Variants in DARS1 observed in about 807,000 individuals in gnomAD.
DARS1 encodes the protein aspartate--tRNA ligase, cytoplasmic.
In DARS1, 51 loss-of-function variants were observed where a neutral mutation model predicts 68.8. That is an observed-to-expected ratio of 0.74 (90% CI 0.59 to 0.94). The LOEUF is 0.94. Among genes scored for constraint, DARS1 ranks in the 40% least tolerant of loss-of-function variants. The pLI is 0.00. For synonymous variants in DARS1, 203 were observed against 190.4 expected (o/e 1.07, Z -0.55); for missense variants, 607 against 597.3 (o/e 1.02, Z -0.17).
In DARS1 at chr2:135,961,489, C is replaced by G. The variant is rs552946383; in HGVS notation, c.227G>C (p.Cys76Ser). 2 of 1,436,334 alleles carry G rather than the reference C, an allele frequency of 1.4e-6. No individual in the cohort carries two copies. The highest frequency in any genetic ancestry group is 2.0e-6 in the Non-Finnish European group (2 of 1,017,376). 89.0% of individuals were successfully genotyped at this position (1,436,334 alleles called of 1,614,324 possible). A position where few individuals can be genotyped will look rare whatever the true frequency, so the allele number is the denominator to read the frequency against. ...VHTSRAKGKQ[C>S]FLVLRQQQFN... ...CTGCTGCTGACGTAGGACTAAGAAGCACTGTTTCCCTGAAAAAGACAGAAA... is the reference window on the plus strand; with the variant it reads ...CTGCTGCTGACGTAGGACTAAGAAGGACTGTTTCCCTGAAAAAGACAGAAA... Residue 76 changes from cysteine to serine, a missense_variant, in exon 4 of 16, where the codon TGC (cysteine) becomes TCC (serine). Cys to Ser is a moderately radical substitution (Grantham distance 112). Coordinates refer to ENST00000264161, the MANE Select transcript of DARS1 (RefSeq NM_001349.4).
At chr2:135,981,787 C>T (rs1458898068) in intron 2 of DARS1, among the ~76,000 whole-genome samples, 2 of 151,754 alleles carry the variant, frequency 1.3e-5, no homozygotes, top group Admixed American at 1.3e-4. Context: ...TCCCATCAGC[C>T]TCCTGAGTAG....
chr2:135,916,028 A>C (rs1164181221), intron 11 of DARS1, among the ~76,000 whole-genome samples, 198 bp downstream of exon 11: 1 of 152,186 alleles, frequency 6.6e-6, no homozygotes, highest in African/African-American at 2.4e-5. Flanking sequence ...TCAGGTGAAA[A>C]AAATCATTTA....
intron 1 of DARS1, 107 bp downstream of exon 1, chr2:135,985,296 G>A: frequency 6.8e-7 from 1 of 1,462,694 alleles, no homozygotes; most frequent in Non-Finnish European, 9.0e-7. Flanking sequence ...AGCCTGCGGA[G>A]AACGTGCCGA....
intron 12 of DARS1, among the ~76,000 whole-genome samples, chr2:135,914,017 C>A (rs1680950175): frequency 6.6e-6 from 1 of 152,156 alleles, no homozygotes; most frequent in Admixed American, 6.6e-5. Flanking sequence ...AAAGATCATA[C>A]TAAGTTTAGC....
intron 3 of DARS1, among the ~76,000 whole-genome samples, chr2:135,969,072 T>C (rs753649531): frequency 5.3e-5 from 8 of 152,036 alleles, no homozygotes; most frequent in African/African-American, 9.7e-5. Context: ...ATACAACCTC[T>C]TGGGAGGATG....
intron 7 of DARS1, among the ~76,000 whole-genome samples, chr2:135,925,280 C>T (rs938801678): frequency 8.5e-5 from 13 of 152,226 alleles, no homozygotes; most frequent in Non-Finnish European, 1.8e-4. Flanking sequence ...TAGGTCCTGG[C>T]TTATTATATT....
chr2:135,985,146 G>A (rs1458405549), intron 1 of DARS1: 2 of 541,278 alleles, frequency 3.7e-6, no homozygotes, highest in Admixed American at 6.4e-5. Flanking sequence ...GGGGCGGCTG[G>A]TTCTTCCCGT....
At chr2:135,924,625 G>A in intron 7 of DARS1, 127 bp from the exon 8 acceptor site, 1 of 1,375,860 alleles carries the variant, frequency 7.3e-7, no homozygotes, top group Non-Finnish European at 9.6e-7. Flanking sequence ...AATAATTGGA[G>A]AGAAGACGAA....
At chr2:135,979,028 G>A (rs2104849031) in intron 3 of DARS1, 2 of 324,098 alleles carry the variant, frequency 6.2e-6, no homozygotes, top group East Asian at 4.8e-5. Flanking sequence ...ACTTTAGAGC[G>A]ATGCTAGAAA....
chr2:135,975,132 C>T (rs1055843944), intron 3 of DARS1, among the ~76,000 whole-genome samples: 1 of 151,322 alleles, frequency 6.6e-6, no homozygotes, highest in Admixed American at 6.6e-5. Context: ...ATCACAAGGT[C>T]AGGAGATCGA....
chr2:135,966,459 C>G (rs1682238867), intron 3 of DARS1, among the ~76,000 whole-genome samples: 1 of 152,212 alleles, frequency 6.6e-6, no homozygotes, highest in South Asian at 2.1e-4. Context: ...AACTTTCCAA[C>G]ACAAAAGACA....
rs757088316 is a variant in DARS1, at chr2:135,911,120, A to C, written c.1414+19T>G. 24 of 1,099,976 alleles carry C rather than the reference A, an allele frequency of 2.2e-5. No individual in the cohort carries two copies. The Middle Eastern group carries it at 6.1e-4, about 28-fold the overall frequency. 68.1% of individuals were successfully genotyped at this position (1,099,976 alleles called of 1,614,324 possible). On this transcript the variant is annotated intron_variant, in intron 15 of 15. Coordinates refer to ENST00000264161, the MANE Select transcript of DARS1 (RefSeq NM_001349.4). ...CTTAGAACTTATGAACTTATTTGTA[A>C]GCAATAACAGAATATTACCAATGCC... is the stretch of plus-strand genomic sequence containing the variant.
chr2:135,966,596 T>C (rs1283159790), intron 3 of DARS1, among the ~76,000 whole-genome samples: 1 of 152,198 alleles, frequency 6.6e-6, no homozygotes, highest in Non-Finnish European at 1.5e-5. Flanking sequence ...TGGAGAGTAA[T>C]GGCACGATGA....
At chr2:135,913,987 CATT>C (rs1339207156) in intron 12 of DARS1, among the ~76,000 whole-genome samples, 3 of 152,150 alleles carry the variant, frequency 2.0e-5, no homozygotes, top group Non-Finnish European at 4.4e-5. Flanking sequence ...TTCATTATAT[CATT>C]ATCTTAAAAA....
intron 5 of DARS1, among the ~76,000 whole-genome samples, chr2:135,940,365 C>T (rs968468493): frequency 1.3e-5 from 2 of 152,196 alleles, no homozygotes; most frequent in Non-Finnish European, 2.9e-5. Flanking sequence ...ATATGCAAAT[C>T]AATAAACGTA....
intron 3 of DARS1, among the ~76,000 whole-genome samples, chr2:135,976,889 A>G (rs1682513853): frequency 6.6e-6 from 1 of 152,148 alleles, no homozygotes; most frequent in South Asian, 2.1e-4. Flanking sequence ...GATGCTTCAT[A>G]CTTACATGCT....
At chr2:135,961,339 G>A in intron 4 of DARS1, 57 bp downstream of exon 4, 1 of 863,336 alleles carries the variant, frequency 1.2e-6, no homozygotes, top group Non-Finnish European at 2.0e-6. Context: ...CAAACCCCTG[G>A]GAGTCTTGGT....
In DARS1 at chr2:135,948,912, A is replaced by G. The variant is rs528175160; in HGVS notation, c.321-5432T>C. 2.0e-5 allele frequency among the ~76,000 whole-genome samples: 3 copies of G among 152,230 alleles called. No individual in the cohort carries two copies. In the East Asian group the frequency reaches 5.8e-4, roughly 29 times the overall value. ...AAAAAAGTTAATGTAGCAAACTGAA[A>G]TTTTAACCTACCAACTAGTAAAACA... On this transcript the variant is annotated intron_variant, in intron 4 of 15. Transcript: ENST00000264161.
chr2:135,937,217 T>C (rs1461208140), intron 5 of DARS1, among the ~76,000 whole-genome samples: 1 of 152,058 alleles, frequency 6.6e-6, no homozygotes, highest in Non-Finnish European at 1.5e-5. Flanking sequence ...GCCTCCTGAG[T>C]AGCTGGGATT....
Sources: gnomAD v4.1 joint callset for allele counts (sites outside exome capture counted in the v4.1 genomes callset) on GRCh38, gnomAD v4.1.1 for gene constraint, MANE v1.5 for transcripts, NCBI Gene and HGNC (gene_info 2026-07-23, HGNC 2026-07-21) for gene names.